NBAS: variants seen among roughly 807,000 people sequenced by gnomAD.
NBAS encodes the protein NAG/BC035112 fusion.
Under a neutral mutation model 302.5 loss-of-function variants are expected in NBAS, and 219 were observed. That is an observed-to-expected ratio of 0.72 (90% CI 0.65 to 0.81). The LOEUF is 0.81. NBAS is among the 30% of genes least tolerant of loss of function. The probability of loss-of-function intolerance (pLI) is 0.00; values close to 1 mark genes in which losing one functional copy is unlikely to be tolerated. For synonymous variants in NBAS, 1,118 were observed against 1,021.6 expected, an observed-to-expected ratio of 1.09 and a Z score of -1.80; for missense variants, 2,932 against 2,841.6, an observed-to-expected ratio of 1.03 and a Z score of -0.72.
the NBAS span, among the ~76,000 whole-genome samples, chr2:15,017,179 G>C: frequency 6.6e-6 from 1 of 151,922 alleles, no homozygotes; most frequent in Non-Finnish European, 1.5e-5. Flanking sequence ...ATGGATCAAA[G>C]ACCTAAATGT....
rs530697776 is a variant in NBAS, at chr2:15,408,638, T to G, written c.2938-6337A>C. Among the ~76,000 whole-genome samples the G allele has an allele frequency of 2.6e-5, 4 of 152,320 alleles. No individual in the cohort carries two copies. In the South Asian group the frequency reaches 8.3e-4, roughly 32 times the overall value. On this transcript the variant is annotated intron_variant, in intron 25 of 51. Coordinates refer to ENST00000281513, the MANE Select transcript of NBAS (RefSeq NM_015909.4). Reference sequence around the variant, plus strand: ...ACATTCACATTTGAATGATAGTGTCTCTAAGTAAAATATCCTGGGTTAGAA... The same window carrying G: ...ACATTCACATTTGAATGATAGTGTCGCTAAGTAAAATATCCTGGGTTAGAA...
At chr2:15,459,009 T>G (rs1168204256) in intron 21 of NBAS, among the ~76,000 whole-genome samples, 1 of 152,232 alleles carries the variant, frequency 6.6e-6, no homozygotes, top group Non-Finnish European at 1.5e-5. Flanking sequence ...ACTAAATTAT[T>G]GATCACAATT....
chr2:15,111,235 G>A, the NBAS span, among the ~76,000 whole-genome samples: 1 of 152,096 alleles, frequency 6.6e-6, no homozygotes, highest in South Asian at 2.1e-4. Flanking sequence ...TGTGAGATAG[G>A]TGTGTCTTTT....
chr2:15,444,951 T>G (rs988691992), intron 21 of NBAS, among the ~76,000 whole-genome samples: 17 of 149,364 alleles, frequency 1.1e-4, no homozygotes, highest in African/African-American at 3.7e-4. Flanking sequence ...AAAACCACAA[T>G]GAGATACCAT....
At chr2:15,141,280 C>T in the NBAS span, among the ~76,000 whole-genome samples, 1 of 152,094 alleles carries the variant, frequency 6.6e-6, no homozygotes, top group Non-Finnish European at 1.5e-5. Flanking sequence ...TCTGTTTAAA[C>T]CCAACATGTG....
chr2:15,136,336 G>A, the NBAS span, among the ~76,000 whole-genome samples: 2 of 152,220 alleles, frequency 1.3e-5, no homozygotes, highest in Admixed American at 6.5e-5. Context: ...CTTATGAAAT[G>A]GCAAATTTCC....
intron 47 of NBAS, among the ~76,000 whole-genome samples, chr2:15,231,025 G>A (rs1242838666): frequency 6.6e-6 from 1 of 152,162 alleles, no homozygotes; most frequent in African/African-American, 2.4e-5. Flanking sequence ...CTTCTGTACA[G>A]CGCTTCCCAT....
chr2:14,850,138 T>G, the NBAS span, among the ~76,000 whole-genome samples: 1 of 134,896 alleles, frequency 7.4e-6, no homozygotes, highest in Non-Finnish European at 1.5e-5. Context: ...ACTGGCAAAT[T>G]GGATAAAGAG....
At chr2:15,328,493 C>T (rs1280700997) in intron 36 of NBAS, among the ~76,000 whole-genome samples, 181 bp from the exon 37 acceptor site, 2 of 152,116 alleles carry the variant, frequency 1.3e-5, no homozygotes, top group South Asian at 2.1e-4. Context: ...CACACATATC[C>T]GGCAGAGAAT....
the NBAS span, among the ~76,000 whole-genome samples, chr2:14,829,007 C>T: frequency 1.3e-5 from 2 of 151,014 alleles, no homozygotes; most frequent in African/African-American, 4.9e-5. Context: ...TTAATGCTTT[C>T]TGTTTAATTG....
At position 15,415,733 on chromosome 2, in the gene NBAS, C is replaced by T. The variant is rs750514368; in HGVS notation, c.2764-14G>A. The T allele has an allele frequency of 1.2e-6, 2 of 1,613,976 alleles. No homozygotes were observed. Among genetic ancestry groups the T allele is most frequent in the Non-Finnish European group, 1.7e-6 (2 of 1,179,874 alleles). ...ATCCTCAGAACACTGAAAGTACAAT[C>T]AAGCAAAACAGACAAACAAGAATGA... On this transcript the variant is annotated splice_polypyrimidine_tract_variant and intron_variant, in intron 24 of 51. Transcript: ENST00000281513.
chr2:15,384,485 A>T (rs930094580), intron 28 of NBAS, among the ~76,000 whole-genome samples: 1 of 151,748 alleles, frequency 6.6e-6, no homozygotes, highest in African/African-American at 2.4e-5. Flanking sequence ...CCCTTTTTGT[A>T]TAGCATAAAG....
chr2:15,265,579 G>A, intron 44 of NBAS, among the ~76,000 whole-genome samples: 1 of 152,048 alleles, frequency 6.6e-6, no homozygotes, highest in Non-Finnish European at 1.5e-5. Flanking sequence ...TCTCACTACA[G>A]GACTAGCATA....
the NBAS span, among the ~76,000 whole-genome samples, chr2:14,846,469 A>C: frequency 6.6e-6 from 1 of 151,918 alleles, no homozygotes; most frequent in African/African-American, 2.4e-5. Flanking sequence ...GTTAATGAAC[A>C]ATAAGAAATC....
chr2:14,858,934 C>G, the NBAS span, among the ~76,000 whole-genome samples: 7 of 151,764 alleles, frequency 4.6e-5, no homozygotes, highest in Admixed American at 2.0e-4. Flanking sequence ...CTCAGGTAAC[C>G]CATAAATATA....
chr2:14,895,789 C>G, the NBAS span, among the ~76,000 whole-genome samples: 4 of 151,428 alleles, frequency 2.6e-5, no homozygotes, highest in Admixed American at 2.6e-4. Context: ...AACAGACAAC[C>G]TACAGAATGG....
At chr2:15,518,051 T>TA (rs1662484688) in intron 9 of NBAS, among the ~76,000 whole-genome samples, 1 of 151,844 alleles carries the variant, frequency 6.6e-6, no homozygotes, top group African/African-American at 2.4e-5. Context: ...CCCTTTTTTT[T>TA]AAACTTAAAA....
At chr2:14,971,616 C>T in the NBAS span, among the ~76,000 whole-genome samples, 2 of 152,194 alleles carry the variant, frequency 1.3e-5, no homozygotes, top group Non-Finnish European at 2.9e-5. Context: ...AACCTGTTGG[C>T]CTTCTTTCTG....
intron 44 of NBAS, among the ~76,000 whole-genome samples, chr2:15,271,866 C>T (rs966348506): frequency 6.6e-6 from 1 of 152,052 alleles, no homozygotes; most frequent in African/African-American, 2.4e-5. Flanking sequence ...CTTATAACAG[C>T]TGAATTGACA....
Sources: gnomAD v4.1 joint callset for allele counts (sites outside exome capture counted in the v4.1 genomes callset) on GRCh38, gnomAD v4.1.1 for gene constraint, MANE v1.5 for transcripts, NCBI Gene and HGNC (gene_info 2026-07-23, HGNC 2026-07-21) for gene names.